RHOH: variants seen among roughly 807,000 people sequenced by gnomAD.
RHOH encodes rho-related GTP-binding protein RhoH.
Under a neutral mutation model 13.8 loss-of-function variants are expected in RHOH, and 6 were observed. The ratio of observed to expected loss-of-function variants is 0.44; its 90% CI spans 0.24 to 0.86. RHOH has a LOEUF of 0.86. Ranked by LOEUF, RHOH falls within the 40% of genes least tolerant of loss-of-function variation. The pLI, the probability that RHOH is intolerant of heterozygous loss-of-function variation, is 0.24. For synonymous variants in RHOH, 117 were observed against 103.0 expected (o/e 1.14, Z -0.82); for missense variants, 147 against 244.5 (o/e 0.60, Z 2.66).
At position 40,237,262 on chromosome 4, in the gene RHOH, G is replaced by T. The variant is rs185117978; in HGVS notation, c.-330-5452G>T. On this transcript the variant is annotated intron_variant, in intron 1 of 2. Transcript: ENST00000381799. ...GAGGTCAGGCGTTCAAGACCATCCT[G>T]GCCAACATGGCAAAACCCCTTCTCT... is the stretch of plus-strand genomic sequence containing the variant. 1.6e-3 allele frequency among the ~76,000 whole-genome samples: 246 copies of T among 152,234 alleles called. 6 individuals carry two copies. In the South Asian group the frequency reaches 0.041, roughly 26 times the overall value.
chr4:40,206,390 C>T (rs1213365829), intron 1 of RHOH, among the ~76,000 whole-genome samples: 1 of 152,094 alleles, frequency 6.6e-6, no homozygotes, highest in East Asian at 1.9e-4. Context: ...ATGATCCCAA[C>T]TGTGGTTGAG....
chr4:40,228,170 G>A (rs998650949), intron 1 of RHOH, among the ~76,000 whole-genome samples: 5 of 152,060 alleles, frequency 3.3e-5, no homozygotes, highest in Admixed American at 3.3e-4. Context: ...GACATAGAAT[G>A]TTAAATTAAG....
rs1462906271 is a variant in RHOH, at chr4:40,245,917, C to A, written c.*1955C>A. The A allele has an allele frequency of 6.6e-6, 1 of 152,252 alleles. No individual in the cohort carries two copies. Among genetic ancestry groups the A allele is most frequent in the East Asian group, 1.9e-4 (1 of 5,198 alleles). 9.4% of individuals were successfully genotyped at this position (152,252 alleles called of 1,614,324 possible). On this transcript the variant is annotated 3_prime_UTR_variant, in exon 3 of 3. Transcript: ENST00000381799. The stretch of plus-strand genomic sequence containing the variant: ...GTCTTGATCTCTGGTGGGAGGATTG[C>A]CTCGGTTCCCTGGGGCTGACACAGC...
At chr4:40,197,458 A>G (rs1723331398) in intron 1 of RHOH, among the ~76,000 whole-genome samples, 158 bp downstream of exon 1, 1 of 151,992 alleles carries the variant, frequency 6.6e-6, no homozygotes, top group African/African-American at 2.4e-5. Context: ...CGGGGGGGTG[A>G]GTGTTGCTTT....
At position 40,243,593 on chromosome 4, in the gene RHOH, G is replaced by T. The variant is rs1196654428; in HGVS notation, c.207G>T (p.Arg69=). The T allele has an allele frequency of 3.7e-6, 6 of 1,614,144 alleles. No homozygotes were observed. Among genetic ancestry groups the T allele is most frequent in the Middle Eastern group, 3.3e-4 (2 of 6,062 alleles). Residue 69 remains arginine, a synonymous_variant, in exon 3 of 3, where the codon CGG becomes CGT. Transcript: ENST00000381799. The surrounding 1 kb of genome is among the most constrained non-coding windows in gnomAD (Gnocchi z 6.2). Reference sequence around the variant, plus strand: ...GCAATGACGCCTTCAGAAGCATCCGGCCCCTGTCCTACCAGCAGGCAGACG... The same window carrying T: ...GCAATGACGCCTTCAGAAGCATCCGTCCCCTGTCCTACCAGCAGGCAGACG... ...TAGNDAFRSI[R]PLSYQQADVV...
chr4:40,202,381 G>A (rs1236646144), intron 1 of RHOH, among the ~76,000 whole-genome samples: 1 of 152,186 alleles, frequency 6.6e-6, no homozygotes, highest in East Asian at 1.9e-4. Flanking sequence ...AATTAAATGT[G>A]AGCCGTAAAA....
intron 1 of RHOH, among the ~76,000 whole-genome samples, chr4:40,229,464 C>T (rs1339000212): frequency 6.6e-6 from 1 of 151,756 alleles, no homozygotes; most frequent in African/African-American, 2.4e-5. Context: ...GGAGAAACCC[C>T]GTCTCTACTA....
At chr4:40,205,769 AAG>A (rs1358441260) in intron 1 of RHOH, 1 of 152,232 alleles carries the variant, frequency 6.6e-6, no homozygotes, top group African/African-American at 2.4e-5. Flanking sequence ...CTGGATGAGA[AAG>A]AGAAACGCAC....
intron 1 of RHOH, among the ~76,000 whole-genome samples, chr4:40,204,051 T>C (rs1299347708): frequency 6.6e-6 from 1 of 152,200 alleles, no homozygotes; most frequent in Non-Finnish European, 1.5e-5. Context: ...GTAATAACAA[T>C]TAGACTTATG....
Position 40,207,659 on chromosome 4 carries a change from T to C in RHOH, c.-331+10359T>C, listed in dbSNP as rs548060603. On this transcript the variant is annotated intron_variant, in intron 1 of 2. Transcript: ENST00000381799. ...TCCTCCAGCAGGGGCTAGATGCTTG[T>C]GGTTTCTGTTTAAAAACTAGATGGT... Among the ~76,000 whole-genome samples, 9 of 152,348 alleles carry C rather than the reference T, an allele frequency of 5.9e-5. No homozygotes were observed. The East Asian group carries it at 1.7e-3, about 29-fold the overall frequency.
At chr4:40,210,087 T>C (rs1725075049) in intron 1 of RHOH, among the ~76,000 whole-genome samples, 1 of 123,344 alleles carries the variant, frequency 8.1e-6, no homozygotes, top group Admixed American at 8.4e-5. Context: ...TTACATTGTG[T>C]GCGTGTGTGT....
At chr4:40,193,849 G>A (rs573126702), upstream of RHOH, 1 of 152,214 alleles carries the variant, frequency 6.6e-6, no homozygotes, top group South Asian at 2.1e-4. Flanking sequence ...TCCAGGATGG[G>A]GTGGGACACA....
upstream of RHOH, among the ~76,000 whole-genome samples, chr4:40,196,727 A>T (rs1387071901): frequency 8.3e-6 from 1 of 121,192 alleles, no homozygotes; most frequent in African/African-American, 3.3e-5. Flanking sequence ...TTTTACTTCC[A>T]TGAGGAATCA....
upstream of RHOH, among the ~76,000 whole-genome samples, chr4:40,196,514 G>GGGGGCTGCTC (rs1723149925): frequency 2.0e-5 from 3 of 152,292 alleles, no homozygotes; most frequent in African/African-American, 7.2e-5. Context: ...ACGCACGGCA[G>GGGGGCTGCTC]GGGGCTGCTC....
chr4:40,212,268 T>C (rs1490252782), intron 1 of RHOH, among the ~76,000 whole-genome samples: 1 of 152,202 alleles, frequency 6.6e-6, no homozygotes, highest in Non-Finnish European at 1.5e-5. Flanking sequence ...TGGGATGGAT[T>C]AGACTTCCTC....
At chr4:40,195,386 C>T (rs951091267), upstream of RHOH, among the ~76,000 whole-genome samples, 62 of 135,722 alleles carry the variant, frequency 4.6e-4, no homozygotes, top group Non-Finnish European at 7.4e-4. Flanking sequence ...TCCTTCCTTC[C>T]TTCCTTCCTT....
chr4:40,193,509 G>GAGAGAGAGA (rs1722831762), upstream of RHOH: 2 of 55,500 alleles, frequency 3.6e-5, no homozygotes, highest in Admixed American at 4.0e-4. Context: ...AGAGAGAGAG[G>GAGAGAGAGA]AGAGGAGGGG....
At chr4:40,225,273 G>A (rs373631391) in intron 1 of RHOH, among the ~76,000 whole-genome samples, 5 of 151,962 alleles carry the variant, frequency 3.3e-5, no homozygotes, top group Non-Finnish European at 7.4e-5. Context: ...CACCACACCC[G>A]GCTAATCTTG....
chr4:40,207,767 G>C, intron 1 of RHOH, among the ~76,000 whole-genome samples: 1 of 152,196 alleles, frequency 6.6e-6, no homozygotes, highest in East Asian at 1.9e-4. Context: ...AGGAGTTCGA[G>C]ACCAGCCTGG....
Sources: gnomAD v4.1 joint callset for allele counts (sites outside exome capture counted in the v4.1 genomes callset) on GRCh38, gnomAD v4.1.1 for gene constraint, Gnocchi (gnomAD v3.1) non-coding constraint, MANE v1.5 for transcripts, NCBI Gene and HGNC (gene_info 2026-07-23, HGNC 2026-07-21) for gene names.